CNTN5: variants seen among roughly 807,000 people sequenced by gnomAD.
CNTN5 encodes the protein contactin 5.
CNTN5 carries 77 observed loss-of-function variants against 129.1 expected under a neutral mutation model. The observed-to-expected ratio is 0.60, with a 90% CI of 0.50 to 0.72. The LOEUF is 0.72. Ranked by LOEUF, CNTN5 falls within the 30% of genes least tolerant of loss-of-function variation. CNTN5 has a pLI of 0.00. For missense variants in CNTN5, 1,478 were observed against 1,328.8 expected, an observed-to-expected ratio of 1.11 and a Z score of -1.75; for synonymous variants, 509 against 465.6, an observed-to-expected ratio of 1.09 and a Z score of -1.20.
chr11:99,066,438 T>C (rs900728187), intron 1 of CNTN5, among the ~76,000 whole-genome samples: 5 of 152,260 alleles, frequency 3.3e-5, no homozygotes, highest in Admixed American at 6.5e-5. Flanking sequence ...TTACTGCTGA[T>C]TGTAAGTACC....
intron 3 of CNTN5, among the ~76,000 whole-genome samples, chr11:99,687,909 A>G (rs1308118337): frequency 1.3e-5 from 2 of 152,148 alleles, no homozygotes; most frequent in African/African-American, 2.4e-5. Flanking sequence ...ATCAATTCTC[A>G]TGCCTATATT....
chr11:99,352,673 C>T (rs958604500), intron 2 of CNTN5, among the ~76,000 whole-genome samples: 6 of 151,964 alleles, frequency 3.9e-5, no homozygotes, highest in Admixed American at 6.5e-5. Context: ...GCTCACAGAA[C>T]TCCCTAGCAG....
intron 3 of CNTN5, among the ~76,000 whole-genome samples, chr11:99,775,740 GATA>G (rs1166571634): frequency 6.6e-6 from 1 of 151,778 alleles, no homozygotes; most frequent in Non-Finnish European, 1.5e-5. Flanking sequence ...CTCACGTTAT[GATA>G]ATAATGCTAA....
intron 9 of CNTN5, among the ~76,000 whole-genome samples, chr11:100,012,382 C>A (rs1940585416): frequency 6.6e-6 from 1 of 152,150 alleles, no homozygotes; most frequent in Admixed American, 6.6e-5. Flanking sequence ...TGTTTTGATG[C>A]AACTTCCTGT....
chr11:99,688,023 T>C (rs1015944015), intron 3 of CNTN5, among the ~76,000 whole-genome samples: 1 of 152,178 alleles, frequency 6.6e-6, no homozygotes, highest in Admixed American at 6.5e-5. Flanking sequence ...TAAGATGGAT[T>C]TAAGTAATAT....
chr11:99,961,324 A>T (rs1259446673), intron 8 of CNTN5, among the ~76,000 whole-genome samples: 1 of 152,020 alleles, frequency 6.6e-6, no homozygotes, highest in African/African-American at 2.4e-5. Flanking sequence ...TGCATTTGCT[A>T]CCTGTCGCCC....
At chr11:100,144,440 C>A (rs1946788824) in intron 13 of CNTN5, among the ~76,000 whole-genome samples, 1 of 152,080 alleles carries the variant, frequency 6.6e-6, no homozygotes, top group Non-Finnish European at 1.5e-5. Context: ...TGTACCCACT[C>A]TTTTGCTCCC....
intron 3 of CNTN5, among the ~76,000 whole-genome samples, chr11:99,729,544 C>G (rs1943459508): frequency 6.6e-6 from 1 of 152,080 alleles, no homozygotes; most frequent in African/African-American, 2.4e-5. Flanking sequence ...CTTCTTCACT[C>G]AAGCTATTAG....
At chr11:99,433,371 A>ATG (rs1555143806) in intron 2 of CNTN5, among the ~76,000 whole-genome samples, 27 of 140,836 alleles carry the variant, frequency 1.9e-4, no homozygotes, top group African/African-American at 6.4e-4. Context: ...TAAAAAAAAA[A>ATG]TGTGTGTGTG....
chr11:99,098,061 C>T (rs1326820906), intron 1 of CNTN5, among the ~76,000 whole-genome samples: 1 of 151,998 alleles, frequency 6.6e-6, no homozygotes, highest in Non-Finnish European at 1.5e-5. Context: ...TTCTATATAT[C>T]TCATTTGCCC....
At chr11:99,723,829 T>G (rs752848530) in intron 3 of CNTN5, among the ~76,000 whole-genome samples, 1 of 152,072 alleles carries the variant, frequency 6.6e-6, no homozygotes, top group Non-Finnish European at 1.5e-5. Context: ...ATGGGATAGA[T>G]CTTATAATCT....
intron 18 of CNTN5, among the ~76,000 whole-genome samples, chr11:100,288,633 C>A (rs1446556634): frequency 1.3e-5 from 2 of 151,688 alleles, no homozygotes; most frequent in African/African-American, 4.8e-5. Context: ...ATTTATAGCA[C>A]TAAATGCCCA....
chr11:100,144,269 G>A (rs2138270940), intron 13 of CNTN5, among the ~76,000 whole-genome samples: 1 of 152,022 alleles, frequency 6.6e-6, no homozygotes, highest in African/African-American at 2.4e-5. Context: ...GATTTGTTAT[G>A]TAGATTTATT....
intron 3 of CNTN5, among the ~76,000 whole-genome samples, chr11:99,770,047 C>G (rs1944892084): frequency 6.6e-6 from 1 of 151,982 alleles, no homozygotes; most frequent in Non-Finnish European, 1.5e-5. Context: ...TAGAAAAGTT[C>G]AAGGATTTTT....
intron 13 of CNTN5, among the ~76,000 whole-genome samples, chr11:100,156,742 T>C (rs1565296397): frequency 1.3e-5 from 2 of 152,060 alleles, no homozygotes; most frequent in African/African-American, 4.8e-5. Context: ...CCCAGAAATG[T>C]ATCAATTTCT....
rs137871347 is a variant in CNTN5, at chr11:100,228,687, C to T, written c.2005+3875C>T. Among the ~76,000 whole-genome samples the T allele has an allele frequency of 8.5e-4, 130 of 152,270 alleles. 1 individual carries two copies. The East Asian group carries it at 0.016, about 19-fold the overall frequency. On this transcript the variant is annotated intron_variant, in intron 16 of 24. Coordinates refer to ENST00000524871, the MANE Select transcript of CNTN5 (RefSeq NM_014361.4). The stretch of plus-strand genomic sequence containing the variant: ...TATTCATTCAGCACCTGCTCTGTGT[C>T]GGGCACTGAAGTCGGCACTCAGAGT...
At position 99,361,835 on chromosome 11, in the gene CNTN5, C is replaced by T. The variant is rs569277625; in HGVS notation, c.-71+36351C>T. Among the ~76,000 whole-genome samples, 5 of 152,176 alleles carry T rather than the reference C, an allele frequency of 3.3e-5. No homozygotes were observed. The South Asian group carries it at 1.0e-3, about 32-fold the overall frequency. ...ATCAGAATTCTATTCCTATTAAAGGCTGAATAATATTCCATTGTATGTATA... is the reference window on the plus strand; with the variant it reads ...ATCAGAATTCTATTCCTATTAAAGGTTGAATAATATTCCATTGTATGTATA... On this transcript the variant is annotated intron_variant, in intron 2 of 24. Transcript: ENST00000524871.
At chr11:99,626,630 A>AT (rs959354820) in intron 3 of CNTN5, among the ~76,000 whole-genome samples, 16 of 151,988 alleles carry the variant, frequency 1.1e-4, no homozygotes, top group African/African-American at 1.2e-4. Flanking sequence ...ATGTCATTTT[A>AT]TTTTTTTTGT....
intron 3 of CNTN5, among the ~76,000 whole-genome samples, chr11:99,596,545 G>A (rs2135685164): frequency 6.6e-6 from 1 of 152,278 alleles, no homozygotes; most frequent in Non-Finnish European, 1.5e-5. Context: ...GCTTCATAAA[G>A]AAGTCTGAAG....
Sources: allele counts gnomAD v4.1 joint callset (sites outside exome capture counted in the v4.1 genomes callset), GRCh38; gene constraint gnomAD v4.1.1; transcripts MANE v1.5; gene names NCBI Gene and HGNC (gene_info 2026-07-23, HGNC 2026-07-21).